RGS6: variants seen among roughly 807,000 people sequenced by gnomAD.
The protein encoded by RGS6 is regulator of G-protein signaling 6.
A neutral mutation model predicts 78.5 loss-of-function variants in RGS6; 30 were observed. The ratio of observed to expected loss-of-function variants is 0.38; its 90% CI spans 0.29 to 0.52. The LOEUF (loss-of-function observed/expected upper bound fraction) is 0.52, where lower values mean the gene tolerates loss of function less well. Ranked by LOEUF, RGS6 falls within the 20% of genes least tolerant of loss-of-function variation. RGS6 has a pLI of 0.85. For missense variants in RGS6, 495 were observed against 609.7 expected (o/e 0.81, Z 1.98); for synonymous variants, 206 against 206.0 (o/e 1.00, Z 0.00).
chr14:71,955,715 T>G (rs2092732294), intron 1 of RGS6, among the ~76,000 whole-genome samples: 1 of 152,146 alleles, frequency 6.6e-6, no homozygotes, highest in African/African-American at 2.4e-5. Context: ...GCTTCTTTAG[T>G]ACACCCTGTT....
chr14:72,547,443 T>A, intron 17 of RGS6: 4 of 850,312 alleles, frequency 4.7e-6, no homozygotes, highest in Non-Finnish European at 7.2e-6. Flanking sequence ...TGCTTCCCCC[T>A]TTTAAAATAG....
intron 3 of RGS6, among the ~76,000 whole-genome samples, chr14:72,381,260 CAAT>C (rs1288043937): frequency 6.6e-6 from 1 of 151,828 alleles, no homozygotes; most frequent in Non-Finnish European, 1.5e-5. Context: ...CTCTAATTAA[CAAT>C]AATATATAGT....
intron 3 of RGS6, among the ~76,000 whole-genome samples, chr14:72,363,792 T>C (rs962060746): frequency 6.6e-6 from 1 of 152,026 alleles, no homozygotes; most frequent in African/African-American, 2.4e-5. Context: ...ATAAACATCC[T>C]TAAAAATCTT....
chr14:72,260,322 G>A (rs1436431111), intron 2 of RGS6, among the ~76,000 whole-genome samples: 1 of 152,250 alleles, frequency 6.6e-6, no homozygotes, highest in Non-Finnish European at 1.5e-5. Flanking sequence ...TTGCAATGAA[G>A]ATGTTGGATG....
chr14:72,602,025 C>T, the RGS6 span, among the ~76,000 whole-genome samples: 2 of 152,236 alleles, frequency 1.3e-5, no homozygotes, highest in African/African-American at 4.8e-5. Context: ...ACTGCTATTA[C>T]TGGGAGCCTG....
intron 2 of RGS6, among the ~76,000 whole-genome samples, chr14:72,293,412 G>T (rs1398417019): frequency 1.3e-5 from 2 of 152,112 alleles, no homozygotes; most frequent in Non-Finnish European, 2.9e-5. Context: ...TTGTGATGGG[G>T]TGAGGTTTTG....
At chr14:71,895,217 T>G in the RGS6 span, among the ~76,000 whole-genome samples, 3,937 of 152,318 alleles carry the variant, frequency 0.026, 182 homozygotes, top group African/African-American at 0.09. Flanking sequence ...GGAGTCTCAC[T>G]CTGTCACCCA....
At position 71,971,104 on chromosome 14, in the gene RGS6, A is replaced by G. The variant is rs939879370; in HGVS notation, c.84+6229A>G. On this transcript the variant is annotated intron_variant, in intron 2 of 17. Transcript: ENST00000553525. ...AGCTAGACAGATGGATTAGGGCCAG[A>G]TCACAAAAGACCTTATGTACCATGC... Among the ~76,000 whole-genome samples, 18 of 152,336 alleles carry G rather than the reference A, an allele frequency of 1.2e-4. No homozygotes were observed. In the East Asian group the frequency reaches 3.1e-3, roughly 26 times the overall value.
At chr14:72,011,840 A>G (rs549850663) in intron 2 of RGS6, among the ~76,000 whole-genome samples, 1 of 152,162 alleles carries the variant, frequency 6.6e-6, no homozygotes, top group African/African-American at 2.4e-5. Context: ...TATTTTCAGT[A>G]CTTTGGTAAT....
intron 3 of RGS6, among the ~76,000 whole-genome samples, chr14:72,384,565 G>A (rs2152910232): frequency 6.6e-6 from 1 of 152,208 alleles, no homozygotes; most frequent in East Asian, 1.9e-4. Context: ...GCTGTTGTCA[G>A]TAAAGAGAGG....
chr14:72,281,119 A>G (rs1261493631), intron 2 of RGS6, among the ~76,000 whole-genome samples: 2 of 152,154 alleles, frequency 1.3e-5, no homozygotes, highest in East Asian at 3.9e-4. Context: ...GTAGCAAGCT[A>G]AAAAGTGAGA....
At chr14:71,874,249 C>T in the RGS6 span, among the ~76,000 whole-genome samples, 3 of 151,816 alleles carry the variant, frequency 2.0e-5, no homozygotes, top group African/African-American at 4.8e-5. Context: ...GCCATTTTCA[C>T]GATATTGATT....
In RGS6 at chr14:72,536,830, C is replaced by T. The variant is rs572203164; in HGVS notation, c.1368+555C>T. Among the ~76,000 whole-genome samples, 9 of 152,282 alleles carry T rather than the reference C, an allele frequency of 5.9e-5. No homozygotes were observed. The East Asian group carries it at 7.7e-4, about 13-fold the overall frequency. On this transcript the variant is annotated intron_variant, in intron 16 of 17. Transcript: ENST00000553525. The stretch of plus-strand genomic sequence containing the variant: ...CCCTTCCTCTCCCGCACCTGCCCCA[C>T]GGTGTTGCCTTTCTCTCTTAACCAA...
chr14:72,557,402 C>T (rs996647937), intron 17 of RGS6, among the ~76,000 whole-genome samples: 1 of 152,172 alleles, frequency 6.6e-6, no homozygotes, highest in African/African-American at 2.4e-5. Flanking sequence ...TTGCTTTGCT[C>T]AGTGGAGAAG....
intron 2 of RGS6, among the ~76,000 whole-genome samples, chr14:72,169,243 G>A (rs1282133552): frequency 6.6e-6 from 1 of 152,162 alleles, no homozygotes; most frequent in Non-Finnish European, 1.5e-5. Context: ...TAATGATGTA[G>A]GCTCAGGAAT....
At chr14:72,330,036 A>C (rs2074647970) in intron 2 of RGS6, among the ~76,000 whole-genome samples, 1 of 152,218 alleles carries the variant, frequency 6.6e-6, no homozygotes, top group Admixed American at 6.5e-5. Flanking sequence ...TGTGTTCTTC[A>C]CAGCACCCAA....
intron 2 of RGS6, among the ~76,000 whole-genome samples, chr14:72,260,360 C>A (rs909377595): frequency 2.0e-5 from 3 of 152,190 alleles, no homozygotes; most frequent in Non-Finnish European, 4.4e-5. Flanking sequence ...AGAAGGAATT[C>A]TCCAAAGTTG....
intron 2 of RGS6, among the ~76,000 whole-genome samples, chr14:72,011,753 A>G (rs1304219307): frequency 6.6e-6 from 1 of 152,120 alleles, no homozygotes; most frequent in Non-Finnish European, 1.5e-5. Flanking sequence ...AAGAGACTTG[A>G]GCATCTGCAG....
the RGS6 span, among the ~76,000 whole-genome samples, chr14:71,920,182 A>G: frequency 1.3e-5 from 2 of 152,284 alleles, no homozygotes; most frequent in East Asian, 3.9e-4. Context: ...TTTGAGATTA[A>G]TTACCCATAG....
Sources: allele counts gnomAD v4.1 joint callset (sites outside exome capture counted in the v4.1 genomes callset), GRCh38; gene constraint gnomAD v4.1.1; transcripts MANE v1.5; gene names NCBI Gene and HGNC (gene_info 2026-07-23, HGNC 2026-07-21).